NEO1: variants seen among roughly 807,000 people sequenced by gnomAD.
NEO1 encodes the protein neogenin 1, also known as neogenin.
Under a neutral mutation model 159.7 loss-of-function variants are expected in NEO1, and 63 were observed. The ratio of observed to expected loss-of-function variants is 0.39; its 90% CI spans 0.32 to 0.49. The LOEUF is 0.49. Among genes scored for constraint, NEO1 ranks in the 20% least tolerant of loss-of-function variants. The pLI is 0.85. For missense variants in NEO1, 1,615 were observed against 1,831.0 expected (o/e 0.88, Z 2.15); for synonymous variants, 633 against 662.0 (o/e 0.96, Z 0.67).
chr15:73,181,414 T>C (rs982783848), intron 7 of NEO1, among the ~76,000 whole-genome samples: 27 of 152,188 alleles, frequency 1.8e-4, no homozygotes, highest in Non-Finnish European at 1.5e-4. Context: ...ATTGTGTTAG[T>C]CTGTTCTTGC....
chr15:73,052,534 G>C lies in NEO1; in HGVS notation c.-142G>C, dbSNP rs1486832903. On this transcript the variant is annotated 5_prime_UTR_variant, in exon 1 of 29. Transcript: ENST00000261908. Reference sequence around the variant, plus strand: ...TCCAGCGAGAGGGGCTGCGCGGGCCGGGCCGGGCCGGGCTGGGCTGGAGCA... The same window carrying C: ...TCCAGCGAGAGGGGCTGCGCGGGCCCGGCCGGGCCGGGCTGGGCTGGAGCA... 2 of 326,002 alleles carry C rather than the reference G, an allele frequency of 6.1e-6. No individual in the cohort carries two copies. The highest frequency in any genetic ancestry group is 9.9e-6 in the Non-Finnish European group (2 of 201,880). 20.2% of individuals were successfully genotyped at this position (326,002 alleles called of 1,614,324 possible). A position where few individuals can be genotyped will look rare whatever the true frequency, so the allele number is the denominator to read the frequency against.
chr15:73,116,968 T>C, intron 2 of NEO1, 111 bp downstream of exon 2: 1 of 831,554 alleles, frequency 1.2e-6, no homozygotes, highest in Non-Finnish European at 1.8e-6. Context: ...ACAAATATAC[T>C]CATTTAACAG....
At chr15:73,054,716 T>C (rs192185003) in intron 1 of NEO1, among the ~76,000 whole-genome samples, 5 of 152,282 alleles carry the variant, frequency 3.3e-5, no homozygotes, top group Admixed American at 2.6e-4. Flanking sequence ...TCCAGAGTCC[T>C]TCCTGTAAAC....
Position 73,303,724 on chromosome 15 carries a change from T to C in NEO1, c.*1028T>C, listed in dbSNP as rs1046105376. ...TGAGGATTTAGCGGCCCTGATGTCT[T>C]GGTCATAGCCTGGTAAGAATGTCCA... On this transcript the variant is annotated 3_prime_UTR_variant, in exon 29 of 29. Coordinates refer to ENST00000261908, the MANE Select transcript of NEO1 (RefSeq NM_002499.4). The C allele has an allele frequency of 2.0e-5, 3 of 152,252 alleles. No individual in the cohort carries two copies. The highest frequency in any genetic ancestry group is 1.3e-4 in the Admixed American group (2 of 15,282). 9.4% of individuals were successfully genotyped at this position (152,252 alleles called of 1,614,324 possible).
intron 1 of NEO1, among the ~76,000 whole-genome samples, chr15:73,067,032 C>T (rs1349633670): frequency 2.6e-5 from 4 of 152,180 alleles, no homozygotes; most frequent in Admixed American, 1.3e-4. Flanking sequence ...TCTATCATTC[C>T]TGAAAGCTGA....
chr15:73,211,787 G>T (rs1219322903), intron 7 of NEO1, among the ~76,000 whole-genome samples: 2 of 152,156 alleles, frequency 1.3e-5, no homozygotes, highest in Middle Eastern at 3.2e-3. Context: ...ATGCAGAGAA[G>T]AAGCCCAAGG....
chr15:73,266,462 G>A, intron 16 of NEO1, 51 bp downstream of exon 16: 1 of 1,427,882 alleles, frequency 7.0e-7, no homozygotes, highest in Non-Finnish European at 9.7e-7. Context: ...AGCAGCTTAG[G>A]CAGAATATTG....
chr15:73,103,774 A>C (rs2070530378), intron 1 of NEO1, among the ~76,000 whole-genome samples: 1 of 152,238 alleles, frequency 6.6e-6, no homozygotes, highest in Non-Finnish European at 1.5e-5. Context: ...GTTAGGGTGC[A>C]AGAAACAAAA....
At chr15:73,239,789 C>A (rs889617774) in intron 8 of NEO1, among the ~76,000 whole-genome samples, 1 of 152,104 alleles carries the variant, frequency 6.6e-6, no homozygotes, top group Non-Finnish European at 1.5e-5. Context: ...AGAACATATC[C>A]CTGTTGTTAA....
At chr15:73,101,406 C>T (rs1018353876) in intron 1 of NEO1, among the ~76,000 whole-genome samples, 9 of 152,228 alleles carry the variant, frequency 5.9e-5, no homozygotes, top group Non-Finnish European at 8.8e-5. Flanking sequence ...CGCTCTCACG[C>T]GCACGCGTGC....
intron 3 of NEO1, among the ~76,000 whole-genome samples, chr15:73,125,187 C>T (rs1295933880): frequency 2.6e-5 from 4 of 152,222 alleles, no homozygotes; most frequent in Admixed American, 2.6e-4. Context: ...GCTTGTCAAA[C>T]ATAGTTTTCT....
At chr15:73,261,381 A>G (rs1235402156) in intron 15 of NEO1, among the ~76,000 whole-genome samples, 2 of 152,180 alleles carry the variant, frequency 1.3e-5, no homozygotes, top group Non-Finnish European at 2.9e-5. Flanking sequence ...TTGGAAACCA[A>G]TATCTGGTCA....
intron 12 of NEO1, among the ~76,000 whole-genome samples, chr15:73,254,310 A>C (rs1418134211): frequency 6.6e-6 from 1 of 152,102 alleles, no homozygotes; most frequent in Non-Finnish European, 1.5e-5. Context: ...GCTCTTCTGC[A>C]CTGGACACGG....
At chr15:73,177,763 G>T (rs998642198) in intron 6 of NEO1, among the ~76,000 whole-genome samples, 1 of 152,072 alleles carries the variant, frequency 6.6e-6, no homozygotes, top group Admixed American at 6.5e-5. Context: ...CTGGTCTTCA[G>T]CGCCTGGGCT....
intron 14 of NEO1, 117 bp downstream of exon 14, chr15:73,258,993 C>T: frequency 1.3e-6 from 1 of 773,428 alleles, no homozygotes; most frequent in Non-Finnish European, 2.2e-6. Flanking sequence ...AACTTTAGTG[C>T]ATCACGCTGC....
intron 1 of NEO1, among the ~76,000 whole-genome samples, chr15:73,071,908 C>T (rs1016665132): frequency 1.3e-5 from 2 of 151,650 alleles, no homozygotes; most frequent in Non-Finnish European, 2.9e-5. Flanking sequence ...TAGAAATGAT[C>T]ATACTATATC....
At chr15:73,251,945 A>G (rs2040095736) in intron 11 of NEO1, among the ~76,000 whole-genome samples, 1 of 152,350 alleles carries the variant, frequency 6.6e-6, no homozygotes, top group Non-Finnish European at 1.5e-5. Context: ...AATCTTTGCT[A>G]TGATGTTGAT....
At chr15:73,063,187 T>A (rs1482822634) in intron 1 of NEO1, among the ~76,000 whole-genome samples, 1 of 152,180 alleles carries the variant, frequency 6.6e-6, no homozygotes, top group Non-Finnish European at 1.5e-5. Context: ...CTTCTTTCCC[T>A]AACCCCTGCA....
intron 9 of NEO1, among the ~76,000 whole-genome samples, chr15:73,246,841 G>A (rs2039819827): frequency 6.6e-6 from 1 of 152,192 alleles, no homozygotes. Context: ...GAGAACCACT[G>A]CGAGGGTCAT....
Sources: allele counts gnomAD v4.1 joint callset (sites outside exome capture counted in the v4.1 genomes callset), GRCh38; gene constraint gnomAD v4.1.1; transcripts MANE v1.5; gene names NCBI Gene and HGNC (gene_info 2026-07-23, HGNC 2026-07-21).